RBFOX1: variants seen among roughly 807,000 people sequenced by gnomAD.
RBFOX1 encodes the protein RNA binding protein fox-1 homolog 1.
A neutral mutation model predicts 57.7 loss-of-function variants in RBFOX1; 8 were observed. The ratio of observed to expected loss-of-function variants is 0.14; its 90% confidence interval spans 0.08 to 0.25. RBFOX1 has a LOEUF of 0.25. Ranked by LOEUF, RBFOX1 falls within the 10% of genes least tolerant of loss-of-function variation. The pLI, the probability that RBFOX1 is intolerant of heterozygous loss-of-function variation, is 1.00. For missense variants in RBFOX1, 611 were observed against 548.5 expected (o/e 1.11, Z -1.14); for synonymous variants, 326 against 222.4 (o/e 1.47, Z -4.15).
At chr16:5,864,524 A>G (rs904222643) in intron 3 of RBFOX1, among the ~76,000 whole-genome samples, 1 of 145,718 alleles carries the variant, frequency 6.9e-6, no homozygotes, top group Admixed American at 7.0e-5. Context: ...TGAGGGAGAG[A>G]TGGATGATGT....
In RBFOX1 at chr16:6,837,627, A is replaced by G. The variant is rs527296328; in HGVS notation, c.-16+182977A>G. On this transcript the variant is annotated intron_variant, in intron 3 of 15. Transcript: ENST00000550418. ...TGTGCAATCTTGGGCAAGTCGCTCA[A>G]TCTCTCTAAGCCTCACTCCCTCATT... Among the ~76,000 whole-genome samples, 19 of 152,292 alleles carry G rather than the reference A, an allele frequency of 1.2e-4. No individual in the cohort carries two copies. The South Asian group carries it at 1.5e-3, about 12-fold the overall frequency.
At chr16:7,670,575 A>T (rs1346866272) in intron 13 of RBFOX1, among the ~76,000 whole-genome samples, 1 of 152,198 alleles carries the variant, frequency 6.6e-6, no homozygotes, top group East Asian at 1.9e-4. Flanking sequence ...TTGTACTGGA[A>T]ATATTCAAGT....
chr16:6,656,898 C>G (rs1568077672), intron 3 of RBFOX1, among the ~76,000 whole-genome samples: 2 of 110,368 alleles, frequency 1.8e-5, no homozygotes, highest in African/African-American at 3.9e-5. Context: ...CTCTCCTCCC[C>G]TCAACTCTCC....
chr16:5,794,640 G>A (rs2054815976), intron 3 of RBFOX1, among the ~76,000 whole-genome samples: 1 of 152,132 alleles, frequency 6.6e-6, no homozygotes, highest in South Asian at 2.1e-4. Flanking sequence ...TGTGGATGGG[G>A]GATGCAGCTG....
chr16:6,937,757 G>C (rs1198066149), intron 3 of RBFOX1, among the ~76,000 whole-genome samples: 7 of 152,108 alleles, frequency 4.6e-5, no homozygotes, highest in Admixed American at 6.6e-5. Flanking sequence ...GGAGACCAAA[G>C]TTTTATCGTG....
At chr16:7,461,315 G>A (rs1225554548) in intron 4 of RBFOX1, among the ~76,000 whole-genome samples, 1 of 151,792 alleles carries the variant, frequency 6.6e-6, no homozygotes, top group Non-Finnish European at 1.5e-5. Context: ...TTACAGATAT[G>A]TGCCACCACA....
At chr16:7,624,697 G>A (rs1015907358) in intron 10 of RBFOX1, among the ~76,000 whole-genome samples, 2 of 152,180 alleles carry the variant, frequency 1.3e-5, no homozygotes, top group Non-Finnish European at 2.9e-5. Context: ...GGGTTCTAGG[G>A]TTCTCCTCTT....
rs538749665 is a variant in RBFOX1 at position 6,547,880 on chromosome 16, G to A, written c.-63-106723G>A. Reference sequence around the variant, plus strand: ...AAAGGAATAGTATTTAATTCACAGTGTTTCTCACGGTTAGGATGCTGACTA... The same window carrying A: ...AAAGGAATAGTATTTAATTCACAGTATTTCTCACGGTTAGGATGCTGACTA... On this transcript the variant is annotated intron_variant, in intron 2 of 15. Transcript: ENST00000550418. Among the ~76,000 whole-genome samples, 3 of 152,132 alleles carry A rather than the reference G, an allele frequency of 2.0e-5. No individual in the cohort carries two copies. The South Asian group carries it at 6.2e-4, about 32-fold the overall frequency.
chr16:6,637,888 G>T (rs2098458352), intron 2 of RBFOX1, among the ~76,000 whole-genome samples: 1 of 152,066 alleles, frequency 6.6e-6, no homozygotes, highest in African/African-American at 2.4e-5. Context: ...TGGAGACAGT[G>T]AATTACATTT....
chr16:6,782,173 ATTG>A (rs1176421053), intron 3 of RBFOX1, among the ~76,000 whole-genome samples: 4 of 152,080 alleles, frequency 2.6e-5, no homozygotes, highest in African/African-American at 4.8e-5. Context: ...CACCCAGCTA[ATTG>A]TTGTATTTTC....
chr16:7,377,724 A>G (rs1407302127), intron 4 of RBFOX1, among the ~76,000 whole-genome samples: 4 of 152,248 alleles, frequency 2.6e-5, no homozygotes, highest in Admixed American at 6.5e-5. Context: ...GAACAATTTC[A>G]GGCACCAGAG....
intron 3 of RBFOX1, among the ~76,000 whole-genome samples, chr16:5,787,474 T>A (rs540965313): frequency 6.6e-6 from 1 of 152,328 alleles, no homozygotes; most frequent in African/African-American, 2.4e-5. Flanking sequence ...TGGGCTTACC[T>A]CATGCTTAGC....
rs537879038 is a variant in RBFOX1, at chr16:5,379,794, G to A, written c.220-87422G>A. Among the ~76,000 whole-genome samples the A allele has an allele frequency of 2.7e-4, 41 of 152,274 alleles. 1 individual carries two copies. The highest frequency in any genetic ancestry group is 9.4e-4 in the African/African-American group (39 of 41,550). On this transcript the variant is annotated intron_variant, in intron 1 of 2. Transcript: ENST00000585867. ...TCCACCAGGGCTCTCCCTTTGATCTGCTTTATAGATTAGTGGTCTGGGTAA... is the reference window on the plus strand; with the variant it reads ...TCCACCAGGGCTCTCCCTTTGATCTACTTTATAGATTAGTGGTCTGGGTAA...
intron 3 of RBFOX1, among the ~76,000 whole-genome samples, chr16:6,850,083 G>A (rs1344967700): frequency 6.6e-6 from 1 of 152,100 alleles, no homozygotes; most frequent in Non-Finnish European, 1.5e-5. Context: ...CGAGTCGATT[G>A]ACATGGACTC....
At chr16:6,321,865 T>C (rs927644783) in intron 2 of RBFOX1, among the ~76,000 whole-genome samples, 3 of 152,208 alleles carry the variant, frequency 2.0e-5, no homozygotes, top group Non-Finnish European at 2.9e-5. Context: ...CGTTGGTAGG[T>C]TTAGAATAAT....
At chr16:6,514,594 T>C (rs541672215) in intron 2 of RBFOX1, among the ~76,000 whole-genome samples, 72 of 152,296 alleles carry the variant, frequency 4.7e-4, no homozygotes, top group African/African-American at 1.7e-3. Flanking sequence ...ATTCCTGATG[T>C]TCCCCTCACC....
chr16:5,840,399 A>T (rs2056589685), intron 3 of RBFOX1, among the ~76,000 whole-genome samples: 1 of 152,146 alleles, frequency 6.6e-6, no homozygotes, highest in African/African-American at 2.4e-5. Context: ...GGCGCATGAG[A>T]TGAGGTGAGG....
chr16:5,429,848 C>A (rs573160923), intron 1 of RBFOX1, among the ~76,000 whole-genome samples: 1 of 152,166 alleles, frequency 6.6e-6, no homozygotes, highest in Non-Finnish European at 1.5e-5. Context: ...CTAGGGGCTC[C>A]GGCTGTGTCA....
chr16:6,718,955 G>A (rs1018209698), intron 3 of RBFOX1, among the ~76,000 whole-genome samples: 17 of 151,626 alleles, frequency 1.1e-4, no homozygotes, highest in Admixed American at 5.9e-4. Flanking sequence ...TTCAACCTCC[G>A]GGGCTCAAAC....
Sources: allele counts gnomAD v4.1 joint callset (sites outside exome capture counted in the v4.1 genomes callset), GRCh38; gene constraint gnomAD v4.1.1; transcripts MANE v1.5; gene names NCBI Gene and HGNC (gene_info 2026-07-23, HGNC 2026-07-21).